Variants in RIMS1 observed in about 807,000 individuals in gnomAD.
RIMS1 encodes regulating synaptic membrane exocytosis 1, also known as regulating synaptic membrane exocytosis protein 1.
RIMS1 carries 83 observed loss-of-function variants against 214.1 expected under a neutral mutation model. The observed-to-expected ratio is 0.39, with a 90% CI of 0.32 to 0.47. RIMS1 has a LOEUF of 0.47. Among genes scored for constraint, RIMS1 ranks in the 20% least tolerant of loss-of-function variants. The probability of loss-of-function intolerance (pLI) is 0.99; values close to 1 mark genes in which losing one functional copy is unlikely to be tolerated. For missense variants in RIMS1, 2,050 were observed against 2,161.8 expected, an observed-to-expected ratio of 0.95 and a Z score of 1.03; for synonymous variants, 793 against 786.8, an observed-to-expected ratio of 1.01 and a Z score of -0.13.
At chr6:71,901,579 G>T (rs967240487) in intron 1 of RIMS1, among the ~76,000 whole-genome samples, 1 of 152,104 alleles carries the variant, frequency 6.6e-6, no homozygotes, top group African/African-American at 2.4e-5. Flanking sequence ...CTAATCTATG[G>T]TGGTGGATAT....
chr6:72,075,047 G>A (rs1419463575), intron 2 of RIMS1, among the ~76,000 whole-genome samples: 1 of 152,066 alleles, frequency 6.6e-6, no homozygotes, highest in African/African-American at 2.4e-5. Flanking sequence ...CATCCCTGAA[G>A]TAGCTGGGAA....
intron 6 of RIMS1, among the ~76,000 whole-genome samples, chr6:72,212,650 A>G (rs1195221281): frequency 3.9e-5 from 6 of 152,174 alleles, no homozygotes; most frequent in African/African-American, 1.4e-4. Flanking sequence ...CTTCTCCACA[A>G]ATAAGCTCAC....
rs142109001 is a variant in RIMS1, at chr6:72,253,364, A to G, written c.2770+532A>G. Among the ~76,000 whole-genome samples, 1,206 of 152,290 alleles carry G rather than the reference A, an allele frequency of 7.9e-3. 14 individuals carry two copies. The highest frequency in any genetic ancestry group is 0.026 in the African/African-American group (1,086 of 41,568). On this transcript the variant is annotated intron_variant, in intron 16 of 33. Coordinates refer to ENST00000521978, the MANE Select transcript of RIMS1 (RefSeq NM_014989.7). Reference sequence around the variant, plus strand: ...ATGTTTTAATACAATAATATGTTTAAGAAAGATTAAGTATTAATTTGAAGT... The same window carrying G: ...ATGTTTTAATACAATAATATGTTTAGGAAAGATTAAGTATTAATTTGAAGT...
intron 4 of RIMS1, among the ~76,000 whole-genome samples, chr6:72,171,405 C>G (rs752257733): frequency 6.6e-6 from 1 of 151,256 alleles, no homozygotes; most frequent in Non-Finnish European, 1.5e-5. Context: ...CACACACACA[C>G]ACCTCCATGG....
chr6:72,353,883 G>T (rs756200140), intron 29 of RIMS1, among the ~76,000 whole-genome samples: 1 of 152,150 alleles, frequency 6.6e-6, no homozygotes, highest in East Asian at 1.9e-4. Context: ...GGAAATTAAG[G>T]TATAGAGATT....
chr6:72,324,552 G>T (rs976119541), intron 28 of RIMS1, among the ~76,000 whole-genome samples: 1 of 151,830 alleles, frequency 6.6e-6, no homozygotes, highest in African/African-American at 2.4e-5. Flanking sequence ...AGTGGTGGAT[G>T]GAACTACATC....
chr6:71,945,346 A>T (rs187988769), intron 1 of RIMS1, among the ~76,000 whole-genome samples: 2 of 152,288 alleles, frequency 1.3e-5, no homozygotes, highest in African/African-American at 4.8e-5. Context: ...CATGGATATG[A>T]TCTAAAAGGC....
intron 24 of RIMS1, among the ~76,000 whole-genome samples, chr6:72,287,674 C>T (rs1405234835): frequency 1.3e-5 from 2 of 151,590 alleles, no homozygotes; most frequent in African/African-American, 4.9e-5. Flanking sequence ...TGGCTCACTG[C>T]AGCCTCTGCC....
chr6:72,389,317 T>G (rs1328021010), intron 29 of RIMS1, among the ~76,000 whole-genome samples: 1 of 152,190 alleles, frequency 6.6e-6, no homozygotes, highest in African/African-American at 2.4e-5. Flanking sequence ...TCTGTAACAT[T>G]TAAATATTTT....
At chr6:71,898,027 T>C (rs1482392762) in intron 1 of RIMS1, among the ~76,000 whole-genome samples, 2 of 152,186 alleles carry the variant, frequency 1.3e-5, no homozygotes. Context: ...GAGGAAAATA[T>C]ATTGGATACT....
rs576106119 is a variant in RIMS1, at chr6:71,933,992, A to T, written c.165-34991A>T. Among the ~76,000 whole-genome samples the T allele has an allele frequency of 4.6e-5, 7 of 152,316 alleles. 1 individual carries two copies. The South Asian group carries it at 1.0e-3, about 23-fold the overall frequency. ...GGAAATCCATAACTTTGATGATTGCAGGTAAAGGTATACTTGAATTAGTGT... is the reference window on the plus strand; with the variant it reads ...GGAAATCCATAACTTTGATGATTGCTGGTAAAGGTATACTTGAATTAGTGT... On this transcript the variant is annotated intron_variant, in intron 1 of 33. Coordinates refer to ENST00000521978, the MANE Select transcript of RIMS1 (RefSeq NM_014989.7).
intron 1 of RIMS1, among the ~76,000 whole-genome samples, chr6:71,964,625 G>A (rs1189291621): frequency 6.6e-6 from 1 of 152,110 alleles, no homozygotes; most frequent in Non-Finnish European, 1.5e-5. Flanking sequence ...TTGAACTGCT[G>A]GAGAAATGTA....
chr6:72,008,989 A>G lies in RIMS1; in HGVS notation c.245+39926A>G, dbSNP rs530028545. On this transcript the variant is annotated intron_variant, in intron 2 of 33. Coordinates refer to ENST00000521978, the MANE Select transcript of RIMS1 (RefSeq NM_014989.7). ...CCAAGCGGGCCTAAAAGACACCTAC[A>G]GAACTCTCCACCCCAAATCAACAGA... is the stretch of plus-strand genomic sequence containing the variant. Among the ~76,000 whole-genome samples the G allele has an allele frequency of 2.0e-5, 3 of 152,328 alleles. No individual in the cohort carries two copies. In the South Asian group the frequency reaches 6.2e-4, roughly 32 times the overall value.
chr6:71,983,115 G>C (rs1798906911), intron 2 of RIMS1, among the ~76,000 whole-genome samples: 1 of 151,852 alleles, frequency 6.6e-6, no homozygotes, highest in Admixed American at 6.6e-5. Context: ...AAACGTACTT[G>C]ACCACCCCCT....
intron 2 of RIMS1, among the ~76,000 whole-genome samples, chr6:71,986,778 G>A (rs1181573703): frequency 6.6e-6 from 1 of 152,240 alleles, no homozygotes; most frequent in Non-Finnish European, 1.5e-5. Context: ...TGTGGGCATT[G>A]CCATTAGAAT....
intron 3 of RIMS1, among the ~76,000 whole-genome samples, chr6:72,097,810 A>T (rs2032266206): frequency 6.6e-6 from 1 of 152,204 alleles, no homozygotes; most frequent in African/African-American, 2.4e-5. Context: ...ACTTTAAATA[A>T]ATGCAATTTT....
At chr6:72,098,434 A>C (rs755100729) in intron 3 of RIMS1, among the ~76,000 whole-genome samples, 1 of 151,890 alleles carries the variant, frequency 6.6e-6, no homozygotes, top group Non-Finnish European at 1.5e-5. Context: ...AGCTGAGATT[A>C]CAGGTGGCTG....
At chr6:72,258,373 A>C (rs1054418843) in intron 17 of RIMS1, 92 bp downstream of exon 17, 2 of 1,272,544 alleles carry the variant, frequency 1.6e-6, no homozygotes, top group African/African-American at 1.5e-5. Flanking sequence ...ATGAAAAAAT[A>C]GTTTGGTCAA....
At chr6:72,257,503 C>G (rs2076374791) in intron 16 of RIMS1, among the ~76,000 whole-genome samples, 1 of 151,936 alleles carries the variant, frequency 6.6e-6, no homozygotes, top group Non-Finnish European at 1.5e-5. Context: ...TGCATTTTCT[C>G]TACATTATTG....
Sources: gnomAD v4.1 joint callset for allele counts (sites outside exome capture counted in the v4.1 genomes callset) on GRCh38, gnomAD v4.1.1 for gene constraint, MANE v1.5 for transcripts, NCBI Gene and HGNC (gene_info 2026-07-23, HGNC 2026-07-21) for gene names.